Variants in TNR observed in about 807,000 individuals in gnomAD.
The protein encoded by TNR is tenascin-R.
A neutral mutation model predicts 150.4 loss-of-function variants in TNR; 45 were observed. The observed-to-expected ratio is 0.30, with a 90% CI of 0.24 to 0.38. TNR has a LOEUF of 0.38. Among genes scored for constraint, TNR ranks in the 10% least tolerant of loss-of-function variants. The pLI, the probability that TNR is intolerant of heterozygous loss-of-function variation, is 1.00. For missense variants in TNR, 1,544 were observed against 1,759.1 expected (o/e 0.88, Z 2.19); for synonymous variants, 687 against 678.4 (o/e 1.01, Z -0.20).
At chr1:175,561,478 A>G (rs1157170400) in intron 1 of TNR, among the ~76,000 whole-genome samples, 1 of 152,196 alleles carries the variant, frequency 6.6e-6, no homozygotes, top group Non-Finnish European at 1.5e-5. Context: ...GAGGCAAAGA[A>G]TAGCAGAGAA....
chr1:175,650,835 C>CTCCCACCTCATTCCTCCTCCT (rs1372064446), intron 1 of TNR, among the ~76,000 whole-genome samples: 1 of 45,870 alleles, frequency 2.2e-5, no homozygotes. Flanking sequence ...TACTACCCCT[C>CTCCCACCTCATTCCTCCTCCT]CCCCACCTCA....
At chr1:175,433,872 C>T (rs1655380675) in intron 2 of TNR, among the ~76,000 whole-genome samples, 1 of 152,194 alleles carries the variant, frequency 6.6e-6, no homozygotes, top group African/African-American at 2.4e-5. Flanking sequence ...ACGGAGACCA[C>T]AGTTGCTCCT....
At chr1:175,722,096 TCCTC>T (rs934471110) in intron 1 of TNR, among the ~76,000 whole-genome samples, 1 of 152,050 alleles carries the variant, frequency 6.6e-6, no homozygotes, top group Non-Finnish European at 1.5e-5. Flanking sequence ...TGGTGGGCTT[TCCTC>T]CCTCCATCAC....
At chr1:175,350,514 T>A (rs765343002) in intron 18 of TNR, among the ~76,000 whole-genome samples, 1 of 152,224 alleles carries the variant, frequency 6.6e-6, no homozygotes, top group Non-Finnish European at 1.5e-5. Flanking sequence ...CAGGCGACAG[T>A]AAATTATAAA....
intron 1 of TNR, among the ~76,000 whole-genome samples, chr1:175,622,665 T>G (rs894448217): frequency 3.3e-5 from 5 of 152,220 alleles, no homozygotes; most frequent in African/African-American, 1.2e-4. Flanking sequence ...TATTGGTTTC[T>G]TAAGGTTGTA....
At position 175,365,208 on chromosome 1, in the gene TNR, G is replaced by A. The variant is rs747483501; in HGVS notation, c.2389C>T (p.Pro797Ser). The change falls in exon 12 of 23, where the codon CCA becomes TCA. Residue 797 changes from proline (P) to serine (S), a missense_variant. By Grantham distance (74) the Pro-to-Ser change is moderately conservative. Coordinates refer to ENST00000367674, the MANE Select transcript of TNR (RefSeq NM_003285.3). ...SSSVNITWSDPSPPADRLILN... is the reference protein window; with the variant it reads ...SSSVNITWSDSSPPADRLILN... ...ATGAGTCTGTCTGCTGGGGGAGATGGATCACTCCAAGTGATGTTCACACTG... is the reference window on the plus strand; with the variant it reads ...ATGAGTCTGTCTGCTGGGGGAGATGAATCACTCCAAGTGATGTTCACACTG... 1 of 1,614,084 alleles carries A rather than the reference G, an allele frequency of 6.2e-7. No homozygotes were observed. The highest frequency in any genetic ancestry group is 1.1e-5 in the South Asian group (1 of 91,078).
Position 175,370,338 on chromosome 1 carries a change from C to CT in TNR, c.1964-3042dup, listed in dbSNP as rs55795922. On this transcript the variant is annotated intron_variant, in intron 9 of 22. Coordinates refer to ENST00000367674, the MANE Select transcript of TNR (RefSeq NM_003285.3). ...GAGAACTATTCCTGGATTTTGAGTA[C>CT]TTTTTTTTTTTTTTTTTTTTTTTTT... 1.5e-3 allele frequency among the ~76,000 whole-genome samples: 64 copies of CT among 42,970 alleles called. 6 individuals are homozygous for CT. The highest frequency in any genetic ancestry group is 5.6e-3 in the Admixed American group (13 of 2,306). 28.2% of individuals were successfully genotyped at this position (42,970 alleles called of 152,430 possible).
chr1:175,646,763 G>A (rs537240894), intron 1 of TNR, among the ~76,000 whole-genome samples: 17 of 152,286 alleles, frequency 1.1e-4, no homozygotes, highest in African/African-American at 4.1e-4. Flanking sequence ...GACAGGCAGG[G>A]TTTCTCCATT....
At chr1:175,389,150 C>A (rs1017519418) in intron 7 of TNR, among the ~76,000 whole-genome samples, 1 of 152,152 alleles carries the variant, frequency 6.6e-6, no homozygotes, top group Non-Finnish European at 1.5e-5. Flanking sequence ...AAATTTGGCA[C>A]CTTGGTGTGC....
chr1:175,348,921 T>C (rs2102000750), intron 18 of TNR, among the ~76,000 whole-genome samples: 1 of 152,188 alleles, frequency 6.6e-6, no homozygotes, highest in Non-Finnish European at 1.5e-5. Context: ...GGTGGAAAAT[T>C]GACAAACTAT....
intron 1 of TNR, among the ~76,000 whole-genome samples, chr1:175,616,712 T>C (rs529676867): frequency 1.3e-5 from 2 of 152,314 alleles, no homozygotes; most frequent in African/African-American, 4.8e-5. Context: ...TTCATTTATC[T>C]GGCATGAGGA....
At chr1:175,386,945 C>T (rs377176267) in intron 7 of TNR, among the ~76,000 whole-genome samples, 8 of 152,320 alleles carry the variant, frequency 5.3e-5, no homozygotes, top group South Asian at 2.1e-4. Context: ...CAGCCTCTTA[C>T]GGGTCATTTT....
chr1:175,630,878 C>G (rs1664303767), intron 1 of TNR, among the ~76,000 whole-genome samples: 1 of 152,160 alleles, frequency 6.6e-6, no homozygotes, highest in Non-Finnish European at 1.5e-5. Context: ...ACAAGGGGAG[C>G]AGGGCAGGGC....
chr1:175,343,085 C>T (rs558818806), intron 18 of TNR, among the ~76,000 whole-genome samples: 81 of 152,286 alleles, frequency 5.3e-4, no homozygotes, highest in Non-Finnish European at 1.0e-3. Context: ...ACACTTTAGC[C>T]AGAGTGACCT....
At chr1:175,579,434 A>G (rs1334736164) in intron 1 of TNR, among the ~76,000 whole-genome samples, 1 of 152,024 alleles carries the variant, frequency 6.6e-6, no homozygotes, top group African/African-American at 2.4e-5. Flanking sequence ...TACGGAAGAT[A>G]GGTGGGACTG....
intron 1 of TNR, among the ~76,000 whole-genome samples, chr1:175,723,752 C>A (rs948115040): frequency 3.3e-5 from 5 of 152,088 alleles, no homozygotes; most frequent in African/African-American, 1.2e-4. Flanking sequence ...GTGGCTCACG[C>A]CTGTAATCCC....
intron 2 of TNR, 58 bp from the exon 3 acceptor site, chr1:175,406,835 C>G: frequency 7.4e-7 from 1 of 1,347,882 alleles, no homozygotes; most frequent in Non-Finnish European, 1.0e-6. Context: ...GGCACCATGG[C>G]TCTGCACAAG....
chr1:175,723,650 C>T (rs1412212970), intron 1 of TNR, among the ~76,000 whole-genome samples: 1 of 152,152 alleles, frequency 6.6e-6, no homozygotes, highest in African/African-American at 2.4e-5. Context: ...AGCGAGTGGA[C>T]CACTTGAGGC....
intron 10 of TNR, among the ~76,000 whole-genome samples, chr1:175,366,829 T>C (rs116768980): frequency 0.01 from 1,536 of 152,342 alleles, 22 homozygotes; most frequent in African/African-American, 0.034. Flanking sequence ...CAAGTGGCGT[T>C]TGTGAGGACC....
Sources: gnomAD v4.1 joint callset for allele counts (sites outside exome capture counted in the v4.1 genomes callset) on GRCh38, gnomAD v4.1.1 for gene constraint, MANE v1.5 for transcripts, NCBI Gene and HGNC (gene_info 2026-07-23, HGNC 2026-07-21) for gene names.